Variants in TMCO5A observed in about 807,000 individuals in gnomAD.
TMCO5A encodes the protein transmembrane and coiled-coil domain-containing protein 5A.
TMCO5A carries 34 observed loss-of-function variants against 42.3 expected under a neutral mutation model. That is an observed-to-expected ratio of 0.80 (90% CI 0.61 to 1.07). The LOEUF (loss-of-function observed/expected upper bound fraction) is 1.07, where lower values mean the gene tolerates loss of function less well. TMCO5A is among the 50% of genes least tolerant of loss of function. The pLI is 0.00. For synonymous variants in TMCO5A, 131 were observed against 115.6 expected (o/e 1.13, Z -0.86); for missense variants, 357 against 327.9 (o/e 1.09, Z -0.69).
intron 9 of TMCO5A, chr15:37,943,055 A>G (rs577948561): frequency 1.6e-3 from 476 of 293,842 alleles, no homozygotes; most frequent in Non-Finnish European, 2.7e-3. Flanking sequence ...ACATTGGTTT[A>G]TGGCTTAACT....
the TMCO5A span, among the ~76,000 whole-genome samples, chr15:38,007,422 C>A: frequency 6.6e-6 from 1 of 152,050 alleles, no homozygotes; most frequent in African/African-American, 2.4e-5. Flanking sequence ...GGAACCACAG[C>A]AATTCAGGAA....
chr15:38,033,970 AG>A, the TMCO5A span, among the ~76,000 whole-genome samples: 2 of 152,186 alleles, frequency 1.3e-5, no homozygotes, highest in Non-Finnish European at 2.9e-5. Context: ...AAGACAAAGT[AG>A]TTTATTAATA....
chr15:38,035,842 CTGCCCTAGAATGGTT>C, the TMCO5A span, among the ~76,000 whole-genome samples: 5 of 152,182 alleles, frequency 3.3e-5, no homozygotes, highest in East Asian at 1.9e-4. Flanking sequence ...TGTATTGAAG[CTGCCCTAGAATGGTT>C]TGCCCTAGAA....
At chr15:37,957,264 T>G (rs964077722) in intron 11 of TMCO5A, among the ~76,000 whole-genome samples, 1 of 152,036 alleles carries the variant, frequency 6.6e-6, no homozygotes, top group Non-Finnish European at 1.5e-5. Context: ...GAGAAAGAAA[T>G]AAAAGGTATT....
chr15:37,949,122 G>A (rs763135967), intron 11 of TMCO5A, among the ~76,000 whole-genome samples: 2 of 151,718 alleles, frequency 1.3e-5, no homozygotes, highest in Non-Finnish European at 2.9e-5. Context: ...AAGCCATAAG[G>A]CCTAAATAAC....
chr15:37,938,998 A>G (rs1178956651), intron 6 of TMCO5A, among the ~76,000 whole-genome samples: 1 of 152,078 alleles, frequency 6.6e-6, no homozygotes, highest in East Asian at 1.9e-4. Context: ...CAGAGAGCAG[A>G]TAAATTTTTT....
Position 37,941,158 on chromosome 15 carries a change from C to T in TMCO5A, c.397C>T (p.Gln133Ter). Residue 133 changes from glutamine to a stop codon, truncating the protein, a stop_gained, in exon 7 of 12, where the codon CAA becomes TAA. Transcript: ENST00000319669. LOFTEE classifies it high-confidence loss of function. The stretch of plus-strand genomic sequence containing the variant: ...CTTTTGCTTTCTTTAGGTTAAGTTA[C>T]AACAGCTGGAAGCTTCCTATGCATG... ...GALEETKVKL[Q>*]QLEASYACQE... 1.2e-6 allele frequency: 2 copies of T among 1,613,156 alleles called. No homozygotes were observed. The highest frequency in any genetic ancestry group is 1.7e-6 in the Non-Finnish European group (2 of 1,179,514).
chr15:38,025,004 G>A, the TMCO5A span: 1 of 152,308 alleles, frequency 6.6e-6, no homozygotes, highest in African/African-American at 2.4e-5. Flanking sequence ...AGAAATAAAT[G>A]TCTGTTGTTC....
chr15:37,988,411 C>A, the TMCO5A span, among the ~76,000 whole-genome samples: 1 of 152,008 alleles, frequency 6.6e-6, no homozygotes, highest in African/African-American at 2.4e-5. Flanking sequence ...ACATGGGCAT[C>A]CTTTCCTTGT....
At chr15:37,935,561 G>A (rs115690917) in intron 2 of TMCO5A, among the ~76,000 whole-genome samples, 2,924 of 152,128 alleles carry the variant, frequency 0.019, 105 homozygotes, top group African/African-American at 0.068. Context: ...GTGCCTCACT[G>A]TGCTAATAGT....
the TMCO5A span, among the ~76,000 whole-genome samples, chr15:38,004,242 T>C: frequency 1.4e-4 from 21 of 152,224 alleles, no homozygotes; most frequent in South Asian, 3.7e-3. Context: ...GGACTCTGCC[T>C]GGTGCCCCAT....
downstream of TMCO5A, among the ~76,000 whole-genome samples, chr15:37,971,171 C>A (rs1357557997): frequency 3.9e-5 from 6 of 152,248 alleles, no homozygotes; most frequent in Non-Finnish European, 8.8e-5. Context: ...CATTTCCATA[C>A]AACCTCTGAA....
chr15:38,011,382 A>C, the TMCO5A span, among the ~76,000 whole-genome samples: 1 of 152,146 alleles, frequency 6.6e-6, no homozygotes, highest in Non-Finnish European at 1.5e-5. Context: ...CATCAGAATG[A>C]GCATGACAGT....
At chr15:37,980,583 T>C in the TMCO5A span, among the ~76,000 whole-genome samples, 1 of 150,046 alleles carries the variant, frequency 6.7e-6, no homozygotes, top group African/African-American at 2.5e-5. Context: ...TCGCCACTCT[T>C]TCTCCTCTCT....
At chr15:37,978,836 T>C in the TMCO5A span, among the ~76,000 whole-genome samples, 2 of 151,706 alleles carry the variant, frequency 1.3e-5, no homozygotes, top group African/African-American at 4.9e-5. Context: ...CTAGGAAGCA[T>C]GGCGGCATCT....
chr15:37,982,371 T>C, the TMCO5A span, among the ~76,000 whole-genome samples: 1 of 150,330 alleles, frequency 6.7e-6, no homozygotes, highest in South Asian at 2.1e-4. Flanking sequence ...CACTCCACAA[T>C]GCCACATATA....
intron 6 of TMCO5A, among the ~76,000 whole-genome samples, chr15:37,939,166 C>G (rs1889640494): frequency 6.6e-6 from 1 of 152,088 alleles, no homozygotes; most frequent in Non-Finnish European, 1.5e-5. Context: ...CCTTATCTAA[C>G]TTCTCTCTAC....
At chr15:38,008,516 AC>A in the TMCO5A span, among the ~76,000 whole-genome samples, 1 of 152,172 alleles carries the variant, frequency 6.6e-6, no homozygotes, top group Non-Finnish European at 1.5e-5. Flanking sequence ...TTGGGGAGAT[AC>A]TGCAATAAGG....
At position 37,941,983 on chromosome 15, in the gene TMCO5A, A is replaced by T. The variant is rs767995475; in HGVS notation, c.505-208A>T. Among the ~76,000 whole-genome samples, 9 of 152,088 alleles carry T rather than the reference A, an allele frequency of 5.9e-5. No individual in the cohort carries two copies. The South Asian group carries it at 6.2e-4, about 11-fold the overall frequency. ...AATAATTCACACTTCTGCTATTTAT[A>T]ATGTCAATGATGCCCAGAAACCTGT... On this transcript the variant is annotated intron_variant, in intron 8 of 11. Coordinates refer to ENST00000319669, the MANE Select transcript of TMCO5A (RefSeq NM_152453.4).
Sources: gnomAD v4.1 joint callset for allele counts (sites outside exome capture counted in the v4.1 genomes callset) on GRCh38, gnomAD v4.1.1 for gene constraint, MANE v1.5 for transcripts, NCBI Gene and HGNC (gene_info 2026-07-23, HGNC 2026-07-21) for gene names.